PTPRN2: variants seen among roughly 807,000 people sequenced by gnomAD.
PTPRN2 encodes protein tyrosine phosphatase receptor type N2.
Under a neutral mutation model 118.8 loss-of-function variants are expected in PTPRN2, and 74 were observed. The observed-to-expected ratio is 0.62, with a 90% CI of 0.52 to 0.76. The LOEUF (loss-of-function observed/expected upper bound fraction) is 0.76. Among genes scored for constraint, PTPRN2 ranks in the 30% least tolerant of loss-of-function variants. The pLI, the probability that PTPRN2 is intolerant of heterozygous loss-of-function variation, is 0.00. For synonymous variants in PTPRN2, 641 were observed against 608.0 expected (o/e 1.05, Z -0.80); for missense variants, 1,481 against 1,394.4 (o/e 1.06, Z -0.99).
intron 20 of PTPRN2, among the ~76,000 whole-genome samples, 172 bp downstream of exon 20, chr7:157,571,268 A>G (rs1585046549): frequency 6.6e-6 from 1 of 151,720 alleles, no homozygotes; most frequent in East Asian, 1.9e-4. Flanking sequence ...GCAACGCCCA[A>G]TTGTATTTAC....
rs1825020534 is a variant in PTPRN2 at position 158,529,101 on chromosome 7, C to A, written c.113-39316G>T. On this transcript the variant is annotated intron_variant, in intron 1 of 22. Transcript: ENST00000389418. This position sits in a 1 kb window ranked among gnomAD's most constrained non-coding sequence, Gnocchi z 4.7. ...AGAAAAGTCACCCAAATGCCTCAAT[C>A]CCCTTCTCAGACAGGCAGACAGACA... Among the ~76,000 whole-genome samples, 1 of 152,182 alleles carries A rather than the reference C, an allele frequency of 6.6e-6. No homozygotes were observed. Among genetic ancestry groups the A allele is most frequent in the Admixed American group, 6.5e-5 (1 of 15,272 alleles).
intron 3 of PTPRN2, among the ~76,000 whole-genome samples, chr7:158,219,097 C>T (rs1446750558): frequency 1.3e-5 from 2 of 152,044 alleles, no homozygotes; most frequent in African/African-American, 4.8e-5. Context: ...CTACAGACTA[C>T]CCAACAACAA....
At chr7:158,564,191 T>C (rs2129451078) in intron 1 of PTPRN2, among the ~76,000 whole-genome samples, 1 of 152,314 alleles carries the variant, frequency 6.6e-6, no homozygotes, top group East Asian at 1.9e-4. Context: ...TATTCTGTGG[T>C]GTGAATATGA....
At chr7:157,752,573 C>A (rs554564311) in intron 12 of PTPRN2, among the ~76,000 whole-genome samples, 3 of 152,300 alleles carry the variant, frequency 2.0e-5, no homozygotes, top group Admixed American at 2.0e-4. Flanking sequence ...GCTTCTTCAC[C>A]CGAAAGCCCA....
At position 158,574,771 on chromosome 7, in the gene PTPRN2, C is replaced by T. The variant is rs944769991; in HGVS notation, c.112+12787G>A. ...TGAGGACTGCATGCCCGGCAGCTTC[C>T]TCCACATGCATCAGGCTGCTGGACA... On this transcript the variant is annotated intron_variant, in intron 1 of 22. Coordinates refer to ENST00000389418, the MANE Select transcript of PTPRN2 (RefSeq NM_002847.5). This position sits in a 1 kb window ranked among gnomAD's most constrained non-coding sequence, Gnocchi z 4.6. 6.6e-6 allele frequency among the ~76,000 whole-genome samples: 1 copy of T among 152,260 alleles called. No homozygotes were observed. Among genetic ancestry groups the T allele is most frequent in the South Asian group, 2.1e-4 (1 of 4,834 alleles).
intron 3 of PTPRN2, among the ~76,000 whole-genome samples, chr7:158,302,035 G>T (rs1800931087): frequency 6.6e-6 from 1 of 152,178 alleles, no homozygotes; most frequent in Non-Finnish European, 1.5e-5. Context: ...CATTACTCTA[G>T]TACTGCTAAG....
intron 3 of PTPRN2, among the ~76,000 whole-genome samples, chr7:158,274,246 G>A (rs375566075): frequency 7.0e-6 from 1 of 143,672 alleles, no homozygotes; most frequent in Admixed American, 6.9e-5. Context: ...ACAGACACGG[G>A]AGCCGCAGAC....
Position 158,243,145 on chromosome 7 carries a change from G to C in PTPRN2, c.278-37872C>G, listed in dbSNP as rs555341096. Among the ~76,000 whole-genome samples, 17 of 152,310 alleles carry C rather than the reference G, an allele frequency of 1.1e-4. No homozygotes were observed. In the South Asian group the frequency reaches 3.5e-3, roughly 32 times the overall value. On this transcript the variant is annotated intron_variant, in intron 3 of 22. Transcript: ENST00000389418. Reference sequence around the variant, plus strand: ...CAAAATAAGCTAACCCAGGAAGCTGGAGTGAGAAGATTCCAGCTAGAAAGC... The same window carrying C: ...CAAAATAAGCTAACCCAGGAAGCTGCAGTGAGAAGATTCCAGCTAGAAAGC...
At chr7:157,725,031 T>G (rs1308753169) in intron 12 of PTPRN2, among the ~76,000 whole-genome samples, 1 of 152,374 alleles carries the variant, frequency 6.6e-6, no homozygotes, top group East Asian at 1.9e-4. Flanking sequence ...TCTCGTGTCC[T>G]TAAAAATAAC....
chr7:157,963,401 C>G (rs1801681447), intron 11 of PTPRN2, among the ~76,000 whole-genome samples: 1 of 152,232 alleles, frequency 6.6e-6, no homozygotes, highest in Admixed American at 6.5e-5. Context: ...CCCTGAGTCC[C>G]AGGACTAAAA....
chr7:158,199,598 C>T (rs1293750353), intron 4 of PTPRN2, among the ~76,000 whole-genome samples: 1 of 152,232 alleles, frequency 6.6e-6, no homozygotes, highest in Non-Finnish European at 1.5e-5. Flanking sequence ...ACACCAGCTA[C>T]TATGTCACTG....
intron 2 of PTPRN2, among the ~76,000 whole-genome samples, chr7:158,343,992 C>T (rs1333204587): frequency 1.3e-5 from 2 of 152,194 alleles, no homozygotes; most frequent in Non-Finnish European, 2.9e-5. Flanking sequence ...CACACTGCCA[C>T]ACCCCAAGAT....
At chr7:157,545,248 T>G (rs1331215071) in intron 22 of PTPRN2, among the ~76,000 whole-genome samples, 1 of 144,804 alleles carries the variant, frequency 6.9e-6, no homozygotes, top group Non-Finnish European at 1.5e-5. Flanking sequence ...TGTGTAGGTG[T>G]GCACTGTGTG....
At chr7:158,481,483 G>A (rs1820634115) in intron 2 of PTPRN2, among the ~76,000 whole-genome samples, 2 of 152,212 alleles carry the variant, frequency 1.3e-5, no homozygotes, top group South Asian at 4.1e-4. Context: ...CAAATATTTT[G>A]AGGTAGAGTC....
At chr7:158,042,186 C>G (rs904483002) in intron 11 of PTPRN2, among the ~76,000 whole-genome samples, 1 of 152,154 alleles carries the variant, frequency 6.6e-6, no homozygotes, top group African/African-American at 2.4e-5. Context: ...TGGGTGCATA[C>G]TTCATACCCA....
intron 12 of PTPRN2, among the ~76,000 whole-genome samples, chr7:157,867,630 G>T (rs557385281): frequency 6.6e-6 from 1 of 151,748 alleles, no homozygotes; most frequent in Admixed American, 6.6e-5. Context: ...CCACCACCCC[G>T]CCCAGACTGA....
intron 6 of PTPRN2, among the ~76,000 whole-genome samples, chr7:158,165,242 C>T (rs1822849857): frequency 6.6e-6 from 1 of 151,724 alleles, no homozygotes; most frequent in African/African-American, 2.4e-5. Flanking sequence ...GTGCAGGAGG[C>T]AGGACCATCA....
chr7:158,536,197 A>G (rs1210089730), intron 1 of PTPRN2, among the ~76,000 whole-genome samples: 1 of 152,194 alleles, frequency 6.6e-6, no homozygotes, highest in Admixed American at 6.5e-5. Context: ...TGCCCTTTAA[A>G]TTTTGCTGAA....
intron 13 of PTPRN2, among the ~76,000 whole-genome samples, chr7:157,669,842 C>T (rs1311507072): frequency 1.3e-5 from 2 of 152,180 alleles, no homozygotes; most frequent in African/African-American, 2.4e-5. Flanking sequence ...CGAGTCCCCA[C>T]ACAACCTCGA....
Sources: allele counts gnomAD v4.1 joint callset (sites outside exome capture counted in the v4.1 genomes callset), GRCh38; gene constraint gnomAD v4.1.1; non-coding constraint Gnocchi (gnomAD v3.1); transcripts MANE v1.5; gene names NCBI Gene and HGNC (gene_info 2026-07-23, HGNC 2026-07-21).